Variants in RPGR observed in about 807,000 individuals in gnomAD.
RPGR encodes X-linked retinitis pigmentosa GTPase regulator.
Under a neutral mutation model 56.3 loss-of-function variants are expected in RPGR, and 10 were observed. The observed-to-expected ratio is 0.18, with a 90% CI of 0.11 to 0.30. The LOEUF is 0.30. Ranked by LOEUF, RPGR falls within the 10% of genes least tolerant of loss-of-function variation. The pLI, the probability that RPGR is intolerant of heterozygous loss-of-function variation, is 1.00. For synonymous variants in RPGR, 197 were observed against 212.9 expected, an observed-to-expected ratio of 0.93 and a Z score of 0.65; for missense variants, 538 against 590.9, an observed-to-expected ratio of 0.91 and a Z score of 0.93.
Position 38,321,555 on chromosome X carries a change from G to C in RPGR, c.248-466C>G, listed in dbSNP as rs772834938. Among the ~76,000 whole-genome samples the C allele has an allele frequency of 1.0e-4, 11 of 109,730 alleles. No individual in the cohort carries two copies. In the East Asian group the frequency reaches 3.2e-3, roughly 31 times the overall value. ...TGTAGTTGCAGCTATTCGGGGAGGG[G>C]GTGCTGAGGTGGGAGAATGGCTGGA... On this transcript the variant is annotated intron_variant, in intron 3 of 18. Coordinates refer to ENST00000642395, the MANE Select transcript of RPGR (RefSeq NM_000328.3).
At chrX:38,325,068 G>A (rs2068022489) in intron 1 of RPGR, among the ~76,000 whole-genome samples, 1 of 105,565 alleles carries the variant, frequency 9.5e-6, no homozygotes, top group Non-Finnish European at 1.9e-5. Context: ...TACTCGGGGG[G>A]CTGAGGCAGG....
intron 15 of RPGR, among the ~76,000 whole-genome samples, chrX:38,281,997 T>C (rs972794800): frequency 3.6e-5 from 4 of 112,099 alleles, no homozygotes; most frequent in African/African-American, 1.3e-4. Context: ...TCTATTCTTA[T>C]GTATATATTA....
rs771791722 is a variant in RPGR, at chrX:38,275,092, T to C, written c.2146A>G (p.Lys716Glu). The stretch of plus-strand genomic sequence containing the variant: ...ATGTTATCAAATGTGCTCATACCTT[T>C]TGGGTTTTCATTGTACTCACAAATG... Residue 716 changes from lysine to glutamate, a missense_variant, in exon 17 of 19, where the codon AAA becomes GAA. Around this residue, in one of 2 missense-constraint regions of RPGR, gnomAD observed 357 missense variants for 325.8 expected, o/e 1.10. Transcript: ENST00000642395. 1.1e-4 allele frequency: 136 copies of C among 1,205,545 alleles called. No homozygotes were observed. In the South Asian group the frequency reaches 2.3e-3, roughly 21 times the overall value.
chrX:38,271,523 A>G (rs986358852), intron 18 of RPGR, among the ~76,000 whole-genome samples: 2 of 111,905 alleles, frequency 1.8e-5, no homozygotes, highest in African/African-American at 6.5e-5. Context: ...ATCTCACAAA[A>G]TGAGGGGAAC....
chrX:38,276,676 C>G lies in RPGR; in HGVS notation c.2002G>C (p.Asp668His), dbSNP rs1218582893. 2 of 1,209,405 alleles carry G rather than the reference C, an allele frequency of 1.7e-6. No homozygotes were observed. Among genetic ancestry groups the G allele is most frequent in the South Asian group, 3.5e-5 (2 of 56,960 alleles). The change falls in exon 16 of 19, where the codon GAT (aspartate) becomes CAT (histidine). Residue 668 changes from aspartate to histidine, a missense_variant. Physicochemically the swap from Asp to His is moderately conservative, Grantham distance 81 (BLOSUM62 -1). This residue lies in a region of RPGR where 357 missense variants were observed against 325.8 expected (regional missense o/e 1.10). Coordinates refer to ENST00000642395, the MANE Select transcript of RPGR (RefSeq NM_000328.3). Reference sequence around the variant, plus strand: ...TAACCTGTAGGAACACTTTCATCATCTCCCACAGTTTTCTTCTTGCTTTCC... The same window carrying G: ...TAACCTGTAGGAACACTTTCATCATGTCCCACAGTTTTCTTCTTGCTTTCC...
intron 15 of RPGR, among the ~76,000 whole-genome samples, chrX:38,278,194 A>G (rs1189373684): frequency 8.9e-6 from 1 of 112,001 alleles, no homozygotes; most frequent in African/African-American, 3.2e-5. Context: ...TGAGGTAGTT[A>G]TCATTTACTT....
intron 15 of RPGR, chrX:38,279,196 T>C (rs1171181948): frequency 3.0e-6 from 1 of 331,371 alleles, no homozygotes; most frequent in Non-Finnish European, 5.9e-6. Flanking sequence ...TGGGAGTGAC[T>C]GGCAGAATAC....
At position 38,285,795 on chromosome X, in the gene RPGR, C is replaced by T. The variant is rs766253895; in HGVS notation, c.1905+1299G>A. 1.9e-4 allele frequency: 227 copies of T among 1,200,166 alleles called. No homozygotes were observed. Among genetic ancestry groups the T allele is most frequent in the Non-Finnish European group, 2.4e-4 (215 of 888,567 alleles). On this transcript the variant is annotated intron_variant, in intron 15 of 18. Transcript: ENST00000642395. ...TCTCTTCTTCGCCTGTCTCCTGATA[C>T]TTCCCCTCTTCTTCCTCCTCCTCTT...
At chrX:38,327,017 A>G (rs1470702139) in intron 1 of RPGR, 2 of 243,295 alleles carry the variant, frequency 8.2e-6, no homozygotes, top group Non-Finnish European at 1.4e-5. Flanking sequence ...AGATTGCGCC[A>G]TTGCACTCCA....
At chrX:38,284,961 A>G (rs1208744243) in intron 15 of RPGR, 2 of 754,503 alleles carry the variant, frequency 2.7e-6, no homozygotes, top group African/African-American at 4.6e-5. Flanking sequence ...AGCTCTGAAC[A>G]CAGCTGTCAC....
At chrX:38,277,679 T>C (rs1437133900) in intron 15 of RPGR, among the ~76,000 whole-genome samples, 1 of 111,735 alleles carries the variant, frequency 8.9e-6, no homozygotes, top group Non-Finnish European at 1.9e-5. Flanking sequence ...CAAATAACAT[T>C]TGTACAAAGT....
intron 9 of RPGR, among the ~76,000 whole-genome samples, chrX:38,300,907 T>TTA (rs1300741738): frequency 1.8e-5 from 2 of 111,692 alleles, no homozygotes; most frequent in Admixed American, 1.9e-4. Flanking sequence ...CAGCAAATAT[T>TTA]TATTAAAGAC....
chrX:38,292,391 T>G (rs1252344026), intron 11 of RPGR, among the ~76,000 whole-genome samples: 1 of 112,529 alleles, frequency 8.9e-6, no homozygotes, highest in African/African-American at 3.2e-5. Context: ...AGTAGATAAT[T>G]AAAAGTCATA....
chrX:38,320,774 C>T (rs2067924528), intron 4 of RPGR, among the ~76,000 whole-genome samples: 1 of 112,422 alleles, frequency 8.9e-6, no homozygotes, highest in African/African-American at 3.2e-5. Context: ...AATAACCAGC[C>T]CTTAAGGTGG....
intron 16 of RPGR, among the ~76,000 whole-genome samples, chrX:38,275,906 T>C (rs778576603): frequency 8.9e-6 from 1 of 112,000 alleles, no homozygotes; most frequent in East Asian, 2.8e-4. Flanking sequence ...CGTCATTCAC[T>C]TTGGGTTGCG....
intron 8 of RPGR, among the ~76,000 whole-genome samples, chrX:38,303,074 G>A (rs76996289): frequency 0.098 from 10,903 of 110,783 alleles, 577 homozygotes; most frequent in African/African-American, 0.18. Flanking sequence ...TTTTATATCT[G>A]CTCCTTATCA....
rs763694930 is a variant in RPGR, at chrX:38,285,876, CTCCTCTCCT to C, written c.1905+1209_1905+1217del. ...CCTCCTTTTCCCTTTCTTCTCCTTC[CTCCTCTCCT>C]TCCTCTTCCTCTCCTTCCCCCTCTC... On this transcript the variant is annotated intron_variant, in intron 15 of 18. Coordinates refer to ENST00000642395, the MANE Select transcript of RPGR (RefSeq NM_000328.3). 32 of 1,195,434 alleles carry C rather than the reference CTCCTCTCCT, an allele frequency of 2.7e-5. No individual in the cohort carries two copies. The Admixed American group carries it at 7.3e-4, about 27-fold the overall frequency.
chrX:38,310,901 T>C (rs1213476479), intron 6 of RPGR, 128 bp from the exon 7 acceptor site: 21 of 540,726 alleles, frequency 3.9e-5, no homozygotes, highest in Admixed American at 2.9e-4. Context: ...ATTTTTACTG[T>C]ATGATAAAGA....
chrX:38,305,351 G>A (rs1203229384), intron 7 of RPGR, among the ~76,000 whole-genome samples: 2 of 111,118 alleles, frequency 1.8e-5, no homozygotes, highest in Non-Finnish European at 3.8e-5. Context: ...GGTGGCAGAG[G>A]TTGCAGTGGG....
Sources: allele counts gnomAD v4.1 joint callset (sites outside exome capture counted in the v4.1 genomes callset), GRCh38; gene constraint gnomAD v4.1.1; regional missense constraint gnomAD v4.1.1; transcripts MANE v1.5; gene names NCBI Gene and HGNC (gene_info 2026-07-23, HGNC 2026-07-21).